SCNN1B: variants seen among roughly 807,000 people sequenced by gnomAD.
SCNN1B encodes the protein sodium channel epithelial 1 subunit beta.
Under a neutral mutation model 65.3 loss-of-function variants are expected in SCNN1B, and 46 were observed. That is an observed-to-expected ratio of 0.70 (90% CI 0.56 to 0.90). The LOEUF (loss-of-function observed/expected upper bound fraction) is 0.90, where lower values mean the gene tolerates loss of function less well. Ranked by LOEUF, SCNN1B falls within the 40% of genes least tolerant of loss-of-function variation. The pLI, the probability that SCNN1B is intolerant of heterozygous loss-of-function variation, is 0.00. For synonymous variants in SCNN1B, 349 were observed against 330.6 expected, an observed-to-expected ratio of 1.06 and a Z score of -0.60; for missense variants, 751 against 830.5, an observed-to-expected ratio of 0.90 and a Z score of 1.18.
intron 11 of SCNN1B, among the ~76,000 whole-genome samples, chr16:23,378,980 C>T (rs1419335887): frequency 6.8e-6 from 1 of 148,044 alleles, no homozygotes; most frequent in Admixed American, 6.7e-5. Flanking sequence ...CCTGTGCTTC[C>T]CTCTGTCACT....
intron 4 of SCNN1B, among the ~76,000 whole-genome samples, chr16:23,364,952 C>T (rs1962618621): frequency 6.6e-6 from 1 of 151,958 alleles, no homozygotes; most frequent in Non-Finnish European, 1.5e-5. Flanking sequence ...ATGGTGAAAC[C>T]CCATATCTAC....
chr16:23,380,536 T>C lies in SCNN1B; in HGVS notation c.1658T>C (p.Ile553Thr), dbSNP rs1438411277. ...ATCGACTTTGTGTGGATCACCATCA[T>C]CAAGCTGGTGGCCTTGGCCAAGAGC... ...IIIDFVWITIIKLVALAKSLR... is the reference protein window; with the variant it reads ...IIIDFVWITITKLVALAKSLR... Residue 553 changes from isoleucine (I) to threonine (T), a missense_variant, in exon 13 of 13, where the codon ATC (isoleucine) becomes ACC (threonine). Coordinates refer to ENST00000343070, the MANE Select transcript of SCNN1B (RefSeq NM_000336.3). This position sits in a 1 kb window ranked among gnomAD's most constrained non-coding sequence, Gnocchi z 5.4. 2 of 1,614,246 alleles carry C rather than the reference T, an allele frequency of 1.2e-6. No homozygotes were observed. The highest frequency in any genetic ancestry group is 1.7e-5 in the Admixed American group (1 of 60,028).
chr16:23,379,945 T>G, intron 11 of SCNN1B, 149 bp from the exon 12 acceptor site: 1 of 732,540 alleles, frequency 1.4e-6, no homozygotes, highest in Non-Finnish European at 2.5e-6. Flanking sequence ...CCTGTGTGCA[T>G]GTGTGCACGG....
intron 1 of SCNN1B, among the ~76,000 whole-genome samples, chr16:23,320,859 A>T (rs1961572797): frequency 6.6e-6 from 1 of 152,150 alleles, no homozygotes; most frequent in Non-Finnish European, 1.5e-5. Flanking sequence ...GGGACGGGGC[A>T]GGGCCCTCTC....
At chr16:23,306,463 C>T (rs1203365581) in intron 1 of SCNN1B, among the ~76,000 whole-genome samples, 1 of 152,104 alleles carries the variant, frequency 6.6e-6, no homozygotes, top group Non-Finnish European at 1.5e-5. Flanking sequence ...GTGTTATCAG[C>T]ACCTGCCTGG....
chr16:23,328,417 T>C (rs1297211907), intron 1 of SCNN1B, among the ~76,000 whole-genome samples: 2 of 152,218 alleles, frequency 1.3e-5, no homozygotes, highest in African/African-American at 4.8e-5. Context: ...GCCCAGATCA[T>C]GATGGGCACG....
intron 1 of SCNN1B, among the ~76,000 whole-genome samples, chr16:23,346,672 C>A (rs1311941082): frequency 7.8e-6 from 1 of 127,782 alleles, no homozygotes; most frequent in African/African-American, 3.1e-5. Context: ...GCTCCCTCCC[C>A]ACCCCTGCAG....
chr16:23,365,568 A>AAAG lies in SCNN1B; in HGVS notation c.777-2285_777-2283dup, dbSNP rs1567313597. Among the ~76,000 whole-genome samples, 8 of 84,188 alleles carry AAAG rather than the reference A, an allele frequency of 9.5e-5. No homozygotes were observed. The South Asian group carries it at 2.7e-3, about 28-fold the overall frequency. The allele number at this position is 84,188 out of a possible 152,430, so 55.2% of individuals were successfully genotyped here. A position where few individuals can be genotyped will look rare whatever the true frequency, so the allele number is the denominator to read the frequency against. On this transcript the variant is annotated intron_variant, in intron 4 of 12. Coordinates refer to ENST00000343070, the MANE Select transcript of SCNN1B (RefSeq NM_000336.3). ...GAGAAAGAAGGAAAGAGAAAGAAAG[A>AAAG]AAGAAAGAAAGAAAGAAAGAGAAAG...
At chr16:23,345,826 A>G (rs1440020730) in intron 1 of SCNN1B, among the ~76,000 whole-genome samples, 5 of 152,192 alleles carry the variant, frequency 3.3e-5, no homozygotes, top group Non-Finnish European at 5.9e-5. Flanking sequence ...CCCAGAAGGG[A>G]AAGGCTCTCA....
chr16:23,313,359 T>C (rs1961383803), intron 1 of SCNN1B, among the ~76,000 whole-genome samples: 2 of 152,314 alleles, frequency 1.3e-5, no homozygotes, highest in South Asian at 4.1e-4. Context: ...GCTGTATTCT[T>C]GTTGGATCTT....
At chr16:23,319,682 C>T (rs938504973) in intron 1 of SCNN1B, among the ~76,000 whole-genome samples, 1 of 152,192 alleles carries the variant, frequency 6.6e-6, no homozygotes, top group South Asian at 2.1e-4. Flanking sequence ...CTGGCCCTTT[C>T]CCGAAAAAGT....
At chr16:23,325,067 T>G (rs1467535727) in intron 1 of SCNN1B, among the ~76,000 whole-genome samples, 1 of 151,962 alleles carries the variant, frequency 6.6e-6, no homozygotes, top group Non-Finnish European at 1.5e-5. Flanking sequence ...TCAACAAGGG[T>G]ATGGGAGAAA....
At chr16:23,354,326 G>A (rs193300252) in intron 3 of SCNN1B, among the ~76,000 whole-genome samples, 1 of 152,380 alleles carries the variant, frequency 6.6e-6, no homozygotes, top group East Asian at 1.9e-4. Context: ...TCCCCAAGGG[G>A]AGGCAGGGAG....
At chr16:23,318,302 A>T (rs1042890845) in intron 1 of SCNN1B, among the ~76,000 whole-genome samples, 2 of 152,148 alleles carry the variant, frequency 1.3e-5, no homozygotes, top group Admixed American at 6.6e-5. Context: ...CTCCTCGTCT[A>T]AAAAACAGGT....
At chr16:23,355,564 G>A (rs1436194597) in intron 4 of SCNN1B, 75 bp downstream of exon 4, 1 of 1,471,686 alleles carries the variant, frequency 6.8e-7, no homozygotes, top group Non-Finnish European at 9.4e-7. Flanking sequence ...TGGGAGCACA[G>A]CCTGCCAGGG....
intron 1 of SCNN1B, among the ~76,000 whole-genome samples, chr16:23,321,231 T>G (rs3785366): frequency 0.5 from 76,352 of 151,914 alleles, 23,056 homozygotes; most frequent in African/African-American, 0.86. Context: ...TAGTACAGAC[T>G]GGGTTTCACC....
At chr16:23,287,227 A>G (rs980876777) in intron 2 of SCNN1B, among the ~76,000 whole-genome samples, 1 of 148,260 alleles carries the variant, frequency 6.7e-6, no homozygotes, top group Admixed American at 6.8e-5. Context: ...CTGATCTCAA[A>G]CTCCTGACTT....
chr16:23,328,882 A>G (rs929260581), intron 1 of SCNN1B, among the ~76,000 whole-genome samples: 3 of 136,454 alleles, frequency 2.2e-5, no homozygotes, highest in African/African-American at 8.3e-5. Context: ...TGCAGCCTTG[A>G]ACTCCTGGAC....
chr16:23,287,039 T>C (rs1425555793), intron 2 of SCNN1B, among the ~76,000 whole-genome samples: 1 of 151,130 alleles, frequency 6.6e-6, no homozygotes, highest in Non-Finnish European at 1.5e-5. Flanking sequence ...AGTTTTGCTC[T>C]TGTCACCCAG....
Sources: allele counts gnomAD v4.1 joint callset (sites outside exome capture counted in the v4.1 genomes callset), GRCh38; gene constraint gnomAD v4.1.1; non-coding constraint Gnocchi (gnomAD v3.1); transcripts MANE v1.5; gene names NCBI Gene and HGNC (gene_info 2026-07-23, HGNC 2026-07-21).